Variants in WDR7 observed in about 807,000 individuals in gnomAD.
WDR7 encodes the protein WD repeat domain 7.
Under a neutral mutation model 169.4 loss-of-function variants are expected in WDR7, and 46 were observed. The observed-to-expected ratio is 0.27, with a 90% CI of 0.21 to 0.35. The LOEUF (loss-of-function observed/expected upper bound fraction) is 0.35, where lower values mean the gene tolerates loss of function less well. Ranked by LOEUF, WDR7 falls within the 10% of genes least tolerant of loss-of-function variation. The pLI is 1.00. For synonymous variants in WDR7, 612 were observed against 666.8 expected (o/e 0.92, Z 1.27); for missense variants, 1,534 against 1,859.3 (o/e 0.83, Z 3.22).
At chr18:56,703,762 CTG>C (rs369640208) in intron 12 of WDR7, among the ~76,000 whole-genome samples, 5 of 151,506 alleles carry the variant, frequency 3.3e-5, no homozygotes, top group East Asian at 3.9e-4. Flanking sequence ...AAATGATACT[CTG>C]TAATTCATTT....
At chr18:56,811,962 A>G (rs2145199946) in intron 19 of WDR7, among the ~76,000 whole-genome samples, 1 of 152,302 alleles carries the variant, frequency 6.6e-6, no homozygotes, top group African/African-American at 2.4e-5. Flanking sequence ...TGTCTTTCAT[A>G]TAATTTTAGA....
chr18:57,032,489 G>A (rs890599242), downstream of WDR7: 2 of 152,234 alleles, frequency 1.3e-5, no homozygotes, highest in African/African-American at 4.8e-5. Context: ...TGAGGAACCA[G>A]GCTGCACAGC....
At chr18:56,849,742 AGCTTTT>A (rs2045615434) in intron 20 of WDR7, among the ~76,000 whole-genome samples, 1 of 152,102 alleles carries the variant, frequency 6.6e-6, no homozygotes, top group Admixed American at 6.5e-5. Context: ...ACTTTCCAAT[AGCTTTT>A]TTAAAACAAA....
At chr18:56,703,031 A>T (rs945567296) in intron 12 of WDR7, among the ~76,000 whole-genome samples, 6 of 152,238 alleles carry the variant, frequency 3.9e-5, no homozygotes, top group African/African-American at 9.6e-5. Flanking sequence ...TATTAGTTAA[A>T]GAATGAATAC....
At chr18:56,956,538 A>T (rs1443168049) in intron 25 of WDR7, among the ~76,000 whole-genome samples, 3 of 152,100 alleles carry the variant, frequency 2.0e-5, no homozygotes, top group Non-Finnish European at 2.9e-5. Context: ...GCTCTTTGGC[A>T]TCTTGTCCTG....
intron 23 of WDR7, among the ~76,000 whole-genome samples, chr18:56,937,871 T>G (rs1160974097): frequency 6.6e-6 from 1 of 152,206 alleles, no homozygotes; most frequent in African/African-American, 2.4e-5. Context: ...ACTGATAACA[T>G]AAACAATTAA....
At chr18:56,663,694 A>G (rs2024959702) in intron 1 of WDR7, among the ~76,000 whole-genome samples, 1 of 149,476 alleles carries the variant, frequency 6.7e-6, no homozygotes, top group South Asian at 2.1e-4. Flanking sequence ...CACAGCATAT[A>G]TGTAGATATA....
intron 20 of WDR7, among the ~76,000 whole-genome samples, chr18:56,825,822 A>T (rs1316889565): frequency 4.6e-5 from 7 of 152,194 alleles, no homozygotes; most frequent in Admixed American, 4.6e-4. Flanking sequence ...GAAACATAGA[A>T]ATTCAGTATA....
chr18:56,696,184 T>C (rs993444951), intron 11 of WDR7, 58 bp from the exon 12 acceptor site: 22 of 1,390,236 alleles, frequency 1.6e-5, no homozygotes, highest in Non-Finnish European at 2.0e-5. Context: ...TACTTTTACT[T>C]ACTGAAACTT....
intron 12 of WDR7, among the ~76,000 whole-genome samples, chr18:56,707,792 T>C (rs75240367): frequency 1.0e-3 from 154 of 152,290 alleles, no homozygotes; most frequent in African/African-American, 3.7e-3. Context: ...AGGTTAGGTT[T>C]CTCTGCGTTT....
chr18:56,675,775 T>C (rs2025231639), intron 2 of WDR7, among the ~76,000 whole-genome samples: 2 of 152,132 alleles, frequency 1.3e-5, no homozygotes, highest in African/African-American at 2.4e-5. Flanking sequence ...CATCCTATTT[T>C]CGTTCCTAAT....
chr18:56,858,999 G>A (rs2045763971), intron 20 of WDR7, among the ~76,000 whole-genome samples: 1 of 152,156 alleles, frequency 6.6e-6, no homozygotes, highest in Non-Finnish European at 1.5e-5. Flanking sequence ...CGGTGGCCAT[G>A]AGGGGAGGTG....
intron 21 of WDR7, among the ~76,000 whole-genome samples, chr18:56,894,272 T>A (rs1323513201): frequency 1.1e-4 from 16 of 152,154 alleles, no homozygotes. Context: ...CTAATGTGGA[T>A]CACATCCATG....
intron 27 of WDR7, among the ~76,000 whole-genome samples, chr18:57,024,609 AAT>A (rs1190911806): frequency 2.9e-5 from 4 of 136,812 alleles, no homozygotes; most frequent in Non-Finnish European, 4.7e-5. Flanking sequence ...CTCAGGCAGG[AAT>A]AGGGATATGT....
intron 21 of WDR7, among the ~76,000 whole-genome samples, chr18:56,905,854 GA>G (rs200024628): frequency 1.3e-5 from 2 of 151,714 alleles, no homozygotes; most frequent in South Asian, 2.1e-4. Context: ...GGTACTCGGG[GA>G]AAAAAAATCA....
At chr18:56,834,313 G>A (rs2045362237) in intron 20 of WDR7, among the ~76,000 whole-genome samples, 1 of 152,180 alleles carries the variant, frequency 6.6e-6, no homozygotes, top group African/African-American at 2.4e-5. Context: ...CTGGTTAGTA[G>A]TAAGTCACAG....
intron 19 of WDR7, among the ~76,000 whole-genome samples, chr18:56,799,175 TA>T (rs1340751871): frequency 6.6e-6 from 1 of 152,166 alleles, no homozygotes; most frequent in African/African-American, 2.4e-5. Context: ...GCCAGTCACT[TA>T]AACAGCTGGA....
At chr18:56,790,108 A>C (rs1350585520) in intron 19 of WDR7, among the ~76,000 whole-genome samples, 1 of 152,236 alleles carries the variant, frequency 6.6e-6, no homozygotes, top group Admixed American at 6.5e-5. Context: ...GTACTTTACA[A>C]AACACTGCAC....
At chr18:56,680,755 T>C (rs1009428769) in intron 3 of WDR7, among the ~76,000 whole-genome samples, 1 of 152,206 alleles carries the variant, frequency 6.6e-6, no homozygotes, top group Non-Finnish European at 1.5e-5. Flanking sequence ...GAATCTGGTA[T>C]TTTATTTGCA....
Sources: gnomAD v4.1 joint callset for allele counts (sites outside exome capture counted in the v4.1 genomes callset) on GRCh38, gnomAD v4.1.1 for gene constraint, MANE v1.5 for transcripts, NCBI Gene and HGNC (gene_info 2026-07-23, HGNC 2026-07-21) for gene names.